Variants in CAMTA1 observed in about 807,000 individuals in gnomAD.
CAMTA1 encodes calmodulin binding transcription activator 1, also known as calmodulin-binding transcription activator 1.
A neutral mutation model predicts 170.9 loss-of-function variants in CAMTA1; 27 were observed. That is an observed-to-expected ratio of 0.16 (90% CI 0.12 to 0.22). The LOEUF is 0.22. CAMTA1 is among the 10% of genes least tolerant of loss of function. CAMTA1 has a pLI of 1.00. For missense variants in CAMTA1, 1,619 were observed against 2,217.2 expected (o/e 0.73, Z 5.42); for synonymous variants, 833 against 891.5 (o/e 0.93, Z 1.17).
chr1:7,136,874 A>G (rs1013181650), intron 4 of CAMTA1, among the ~76,000 whole-genome samples: 14 of 152,292 alleles, frequency 9.2e-5, no homozygotes, highest in Non-Finnish European at 1.0e-4. Flanking sequence ...GGGTTCGGTC[A>G]TCATCTTCTC....
intron 3 of CAMTA1, among the ~76,000 whole-genome samples, chr1:7,070,685 G>A (rs1638524505): frequency 6.6e-6 from 1 of 152,194 alleles, no homozygotes; most frequent in Admixed American, 6.5e-5. Context: ...TGGTTCCGAG[G>A]CATCTCTGGG....
intron 3 of CAMTA1, among the ~76,000 whole-genome samples, chr1:6,957,699 C>T (rs1689686396): frequency 6.6e-6 from 1 of 151,070 alleles, no homozygotes; most frequent in South Asian, 2.1e-4. Context: ...TTGTTTCCAT[C>T]TCGAGATCAG....
At chr1:7,422,129 G>A (rs11810609) in intron 5 of CAMTA1, among the ~76,000 whole-genome samples, 1,623 of 152,278 alleles carry the variant, frequency 0.011, 29 homozygotes, top group African/African-American at 0.035. Context: ...GGGGCAGAGT[G>A]GGAGCTGGAC....
intron 3 of CAMTA1, among the ~76,000 whole-genome samples, chr1:7,054,118 A>C (rs1451802396): frequency 6.6e-6 from 1 of 152,200 alleles, no homozygotes; most frequent in African/African-American, 2.4e-5. Context: ...CTTGGGTTGC[A>C]CAAACAGGGG....
chr1:7,146,671 G>A lies in CAMTA1; in HGVS notation c.302+55300G>A, dbSNP rs775253504. ...GCTTCCCTGGGACCGGCTGTGTAGG[G>A]GTTGATGTGGGCAGTCAGAGGGGGT... On this transcript the variant is annotated intron_variant, in intron 4 of 22. Transcript: ENST00000303635. This position sits in a 1 kb window ranked among gnomAD's most constrained non-coding sequence, Gnocchi z 4.3. Among the ~76,000 whole-genome samples, 5 of 152,082 alleles carry A rather than the reference G, an allele frequency of 3.3e-5. No individual in the cohort carries two copies. Among genetic ancestry groups the A allele is most frequent in the Non-Finnish European group, 7.3e-5 (5 of 68,038 alleles).
intron 7 of CAMTA1, among the ~76,000 whole-genome samples, chr1:7,653,794 C>T (rs763375436): frequency 7.2e-5 from 11 of 152,120 alleles, no homozygotes; most frequent in Non-Finnish European, 1.5e-4. Context: ...TACTATGTGC[C>T]AGGCATTGTT....
chr1:6,905,385 G>C (rs1678204708), intron 3 of CAMTA1, among the ~76,000 whole-genome samples: 1 of 136,520 alleles, frequency 7.3e-6, no homozygotes, highest in Non-Finnish European at 1.7e-5. Flanking sequence ...GTAGAGACAG[G>C]GTTTCACCAT....
intron 5 of CAMTA1, among the ~76,000 whole-genome samples, chr1:7,255,276 T>C (rs1033836839): frequency 1.3e-5 from 2 of 151,952 alleles, no homozygotes; most frequent in Non-Finnish European, 2.9e-5. Flanking sequence ...CGCCAGAGCT[T>C]AAAGTACAAT....
intron 3 of CAMTA1, among the ~76,000 whole-genome samples, chr1:6,943,764 T>C (rs1687098672): frequency 6.6e-6 from 1 of 150,394 alleles, no homozygotes; most frequent in Non-Finnish European, 1.5e-5. Flanking sequence ...GTAGAATCGC[T>C]TGAACCTGGG....
chr1:7,184,616 G>A (rs144577143), intron 4 of CAMTA1, among the ~76,000 whole-genome samples: 1 of 152,280 alleles, frequency 6.6e-6, no homozygotes, highest in East Asian at 1.9e-4. Context: ...AATCTAATGA[G>A]ATTGATTACT....
At chr1:7,189,789 A>G (rs988331071) in intron 4 of CAMTA1, among the ~76,000 whole-genome samples, 2 of 152,234 alleles carry the variant, frequency 1.3e-5, no homozygotes, top group African/African-American at 4.8e-5. Context: ...CTGGGTATCT[A>G]CCCAGAGGAA....
At chr1:7,096,179 G>C (rs1642053678) in intron 4 of CAMTA1, among the ~76,000 whole-genome samples, 1 of 152,146 alleles carries the variant, frequency 6.6e-6, no homozygotes, top group Admixed American at 6.5e-5. Context: ...GGGTCTAGAA[G>C]GAAAGGAGGA....
At position 7,712,873 on chromosome 1, in the gene CAMTA1, G is replaced by A. The variant is rs550504052; in HGVS notation, c.2915-19575G>A. ...TTAACATGGCAGCAGGCGAGAGGAC[G>A]TGTGCAGGGGAATTGCCCTTTATAA... On this transcript the variant is annotated intron_variant, in intron 11 of 22. Transcript: ENST00000303635. Among the ~76,000 whole-genome samples the A allele has an allele frequency of 5.2e-4, 79 of 152,266 alleles. 2 individuals carry two copies. Among genetic ancestry groups the A allele is most frequent in the South Asian group, 1.7e-3 (8 of 4,828 alleles).
chr1:7,189,624 C>T (rs1343055638), intron 4 of CAMTA1, among the ~76,000 whole-genome samples: 3 of 152,296 alleles, frequency 2.0e-5, no homozygotes, highest in Non-Finnish European at 4.4e-5. Flanking sequence ...TCAAAAAAAT[C>T]AAACAATAAT....
chr1:7,723,902 C>T (rs2096665560), intron 11 of CAMTA1, among the ~76,000 whole-genome samples: 1 of 152,212 alleles, frequency 6.6e-6, no homozygotes, highest in Non-Finnish European at 1.5e-5. Flanking sequence ...TCACTGCAAC[C>T]TCTGCCTCCT....
intron 3 of CAMTA1, among the ~76,000 whole-genome samples, chr1:6,963,615 G>T (rs1490644631): frequency 1.3e-5 from 2 of 152,170 alleles, no homozygotes; most frequent in African/African-American, 4.8e-5. Flanking sequence ...AAGCAGAGCT[G>T]CCAGGGGAAG....
chr1:7,752,136 G>A (rs2096901792), intron 20 of CAMTA1, among the ~76,000 whole-genome samples: 2 of 152,218 alleles, frequency 1.3e-5, no homozygotes, highest in South Asian at 4.1e-4. Context: ...TCTAATGCCA[G>A]AATGCCTTTT....
chr1:7,300,559 C>G lies in CAMTA1; in HGVS notation c.438+50933C>G, dbSNP rs1674606732. Among the ~76,000 whole-genome samples, 1 of 152,070 alleles carries G rather than the reference C, an allele frequency of 6.6e-6. No homozygotes were observed. Among genetic ancestry groups the G allele is most frequent in the African/African-American group, 2.4e-5 (1 of 41,392 alleles). On this transcript the variant is annotated intron_variant, in intron 5 of 22. Transcript: ENST00000303635. This position sits in a 1 kb window ranked among gnomAD's most constrained non-coding sequence, Gnocchi z 4.1. ...AGGCCTGGTGGTAGGCATCTGTAAC[C>G]CCAGCTATTCGGGAGGCTGAGGTAG... is the stretch of plus-strand genomic sequence containing the variant.
At chr1:7,667,078 G>A (rs374160367) in intron 9 of CAMTA1, among the ~76,000 whole-genome samples, 2 of 152,004 alleles carry the variant, frequency 1.3e-5, no homozygotes, top group African/African-American at 2.4e-5. Flanking sequence ...TAGTAGAGAC[G>A]GGGTTTCACC....
Sources: allele counts gnomAD v4.1 joint callset (sites outside exome capture counted in the v4.1 genomes callset), GRCh38; gene constraint gnomAD v4.1.1; non-coding constraint Gnocchi (gnomAD v3.1); transcripts MANE v1.5; gene names NCBI Gene and HGNC (gene_info 2026-07-23, HGNC 2026-07-21).